The following OSBPL6 variants were observed in gnomAD, a reference collection of about 807,000 sequenced individuals.
The protein encoded by OSBPL6 is oxysterol binding protein like 6.
OSBPL6 carries 49 observed loss-of-function variants against 125.8 expected under a neutral mutation model. That is an observed-to-expected ratio of 0.39 (90% CI 0.31 to 0.49). OSBPL6 has a LOEUF of 0.49. Ranked by LOEUF, OSBPL6 falls within the 20% of genes least tolerant of loss-of-function variation. The pLI is 0.88. For missense variants in OSBPL6, 986 were observed against 1,135.4 expected (o/e 0.87, Z 1.89); for synonymous variants, 394 against 391.8 (o/e 1.01, Z -0.07).
chr2:178,275,332 T>G (rs2092448355), intron 1 of OSBPL6, among the ~76,000 whole-genome samples: 1 of 151,970 alleles, frequency 6.6e-6, no homozygotes, highest in African/African-American at 2.4e-5. Context: ...GCCAACATAG[T>G]GAAACCCCGT....
At chr2:178,195,741 A>G (rs555013040) in intron 1 of OSBPL6, among the ~76,000 whole-genome samples, 2 of 152,308 alleles carry the variant, frequency 1.3e-5, no homozygotes, top group East Asian at 3.9e-4. Context: ...GGTTTTTTCT[A>G]TAGGAACTTT....
chr2:178,255,011 G>A (rs1002966212), intron 1 of OSBPL6, among the ~76,000 whole-genome samples: 1 of 152,160 alleles, frequency 6.6e-6, no homozygotes, highest in Admixed American at 6.5e-5. Context: ...GCAGGCAAGA[G>A]AGGATGTGCA....
At chr2:178,291,971 A>C (rs1484756250) in intron 2 of OSBPL6, among the ~76,000 whole-genome samples, 1 of 152,064 alleles carries the variant, frequency 6.6e-6, no homozygotes, top group African/African-American at 2.4e-5. Context: ...TTTTAGGTTC[A>C]GGGGTACATA....
At chr2:178,260,910 T>A (rs1253028013) in intron 1 of OSBPL6, among the ~76,000 whole-genome samples, 2 of 151,964 alleles carry the variant, frequency 1.3e-5, no homozygotes, top group African/African-American at 4.8e-5. Context: ...CCTTGGGAGG[T>A]TGAGGCAGGC....
At chr2:178,246,188 G>C (rs780976063) in intron 1 of OSBPL6, among the ~76,000 whole-genome samples, 2 of 152,062 alleles carry the variant, frequency 1.3e-5, no homozygotes, top group South Asian at 4.2e-4. Flanking sequence ...TTTTCACTGC[G>C]AGAGTATTAG....
chr2:178,266,956 G>T (rs918791106), intron 1 of OSBPL6, among the ~76,000 whole-genome samples: 1 of 152,300 alleles, frequency 6.6e-6, no homozygotes, highest in Admixed American at 6.5e-5. Context: ...ATGTTTTCTG[G>T]ACATGTTGAT....
rs1689346429 is a variant in OSBPL6, at chr2:178,332,913, C to A, written c.529C>A (p.Arg177=). 1 of 1,613,854 alleles carries A rather than the reference C, an allele frequency of 6.2e-7. No homozygotes were observed. Among genetic ancestry groups the A allele is most frequent in the East Asian group, 2.2e-5 (1 of 44,884 alleles). Residue 177 remains arginine, a synonymous_variant, in exon 8 of 25, where the codon CGA becomes AGA. Coordinates refer to ENST00000190611, the MANE Select transcript of OSBPL6 (RefSeq NM_032523.4). ...DWFDAWVSKL[R]HHRLYRQNEI... ...GTTTGATGCATGGGTCTCCAAACTG[C>A]GACATCATCGGTTGTATCGTCAGAA...
intron 1 of OSBPL6, among the ~76,000 whole-genome samples, chr2:178,228,583 T>C (rs1474260627): frequency 6.6e-6 from 1 of 152,160 alleles, no homozygotes; most frequent in Non-Finnish European, 1.5e-5. Context: ...ATATTAAATT[T>C]CCTAATAGCC....
chr2:178,288,447 T>C (rs1286422916), intron 2 of OSBPL6, among the ~76,000 whole-genome samples: 1 of 152,170 alleles, frequency 6.6e-6, no homozygotes, highest in Non-Finnish European at 1.5e-5. Flanking sequence ...TCCATCACAA[T>C]CTGGTTTGTG....
intron 11 of OSBPL6, among the ~76,000 whole-genome samples, chr2:178,345,603 A>G (rs1218925712): frequency 6.6e-6 from 1 of 152,228 alleles, no homozygotes; most frequent in African/African-American, 2.4e-5. Flanking sequence ...CATGACACTG[A>G]TGTGGTAACA....
chr2:178,263,226 A>C (rs6741744), intron 1 of OSBPL6, among the ~76,000 whole-genome samples: 58,016 of 152,082 alleles, frequency 0.38, 11,427 homozygotes, highest in African/African-American at 0.47. Flanking sequence ...CGCCTGTAAT[A>C]CCAACACTTT....
chr2:178,339,832 GT>G, intron 11 of OSBPL6, 68 bp downstream of exon 11: 1 of 1,130,844 alleles, frequency 8.8e-7, no homozygotes, highest in Non-Finnish European at 1.2e-6. Context: ...TTATACATCA[GT>G]TTATGGGCGT....
intron 1 of OSBPL6, among the ~76,000 whole-genome samples, chr2:178,240,969 A>T (rs2091265101): frequency 6.6e-6 from 1 of 152,154 alleles, no homozygotes; most frequent in South Asian, 2.1e-4. Context: ...AGTGGGAAAT[A>T]ATTATTGACT....
At chr2:178,394,762 A>G (rs1309576398) in intron 24 of OSBPL6, among the ~76,000 whole-genome samples, 1 of 152,176 alleles carries the variant, frequency 6.6e-6, no homozygotes, top group African/African-American at 2.4e-5. Flanking sequence ...CCCACTGCCC[A>G]CAAGATCATC....
At chr2:178,286,146 A>C (rs1684677544) in intron 2 of OSBPL6, among the ~76,000 whole-genome samples, 1 of 152,258 alleles carries the variant, frequency 6.6e-6, no homozygotes, top group Admixed American at 6.5e-5. Context: ...TCTTTTTATA[A>C]GAAAATTAAT....
At chr2:178,207,050 G>GTTTGT (rs765672244) in intron 1 of OSBPL6, among the ~76,000 whole-genome samples, 1 of 152,094 alleles carries the variant, frequency 6.6e-6, no homozygotes, top group African/African-American at 2.4e-5. Flanking sequence ...GTTTTTGTTT[G>GTTTGT]TTTGTTTTGT....
At chr2:178,311,616 A>G (rs1201956708) in intron 3 of OSBPL6, among the ~76,000 whole-genome samples, 1 of 152,210 alleles carries the variant, frequency 6.6e-6, no homozygotes, top group Non-Finnish European at 1.5e-5. Flanking sequence ...AATGAATGAG[A>G]AGTCAGGATG....
intron 1 of OSBPL6, among the ~76,000 whole-genome samples, chr2:178,263,481 A>G (rs1476729584): frequency 6.6e-6 from 1 of 152,248 alleles, no homozygotes; most frequent in Admixed American, 6.5e-5. Flanking sequence ...TCAGTCCCAA[A>G]AAAAGGAATA....
chr2:178,263,816 T>TGG, intron 1 of OSBPL6, among the ~76,000 whole-genome samples: 1 of 151,484 alleles, frequency 6.6e-6, no homozygotes, highest in Non-Finnish European at 1.5e-5. Context: ...CGTGTGTGTG[T>TGG]GTGTGTGTGT....
Sources: allele counts gnomAD v4.1 joint callset (sites outside exome capture counted in the v4.1 genomes callset), GRCh38; gene constraint gnomAD v4.1.1; transcripts MANE v1.5; gene names NCBI Gene and HGNC (gene_info 2026-07-23, HGNC 2026-07-21).